Variants in FAM133B observed in about 807,000 individuals in gnomAD.
FAM133B encodes protein FAM133B.
In FAM133B, 25 loss-of-function variants were observed where a neutral mutation model predicts 46.4. The observed-to-expected ratio is 0.54, with a 90% CI of 0.39 to 0.75. FAM133B has a LOEUF of 0.75. FAM133B is among the 30% of genes least tolerant of loss of function. FAM133B has a pLI of 0.00. For synonymous variants in FAM133B, 75 were observed against 86.0 expected (o/e 0.87, Z 0.71); for missense variants, 205 against 277.6 (o/e 0.74, Z 1.86).
rs1049676700 is a variant in FAM133B at position 92,590,128 on chromosome 7, C to T, written c.24+140G>A. 4.7e-6 allele frequency: 6 copies of T among 1,268,008 alleles called. 1 individual carries two copies. The highest frequency in any genetic ancestry group is 3.8e-4 in the Middle Eastern group (2 of 5,270). 78.5% of individuals were successfully genotyped at this position (1,268,008 alleles called of 1,614,324 possible). A position where few individuals can be genotyped will look rare whatever the true frequency, so the allele number is the denominator to read the frequency against. ...TGCGCGGCGCACGCGCATCTGGGAT[C>T]GGCGGAGGGTGCTGGGTCTCCAGGC... On this transcript the variant is annotated intron_variant, in intron 1 of 10. Transcript: ENST00000445716.
At chr7:92,588,065 T>A (rs867107654) in intron 1 of FAM133B, among the ~76,000 whole-genome samples, 3 of 152,186 alleles carry the variant, frequency 2.0e-5, no homozygotes, top group Non-Finnish European at 4.4e-5. Flanking sequence ...GTTTAAAGTC[T>A]TACCCCTCCT....
chr7:92,581,609 G>C lies in FAM133B; in HGVS notation c.25-6C>G, dbSNP rs1794874097. 1 of 1,610,526 alleles carries C rather than the reference G, an allele frequency of 6.2e-7. No homozygotes were observed. The highest frequency in any genetic ancestry group is 2.2e-5 in the East Asian group (1 of 44,838). Reference sequence around the variant, plus strand: ...GCTATTGGGTTCATATAGGCCTTGGGGAAAGAACAACAATTAATCCATTAA... The same window carrying C: ...GCTATTGGGTTCATATAGGCCTTGGCGAAAGAACAACAATTAATCCATTAA... On this transcript the variant is annotated splice_region_variant and splice_polypyrimidine_tract_variant and intron_variant, in intron 1 of 10. Coordinates refer to ENST00000445716, the MANE Select transcript of FAM133B (RefSeq NM_152789.4).
chr7:92,562,109 C>T lies in FAM133B; in HGVS notation c.*173G>A. On this transcript the variant is annotated 3_prime_UTR_variant, in exon 11 of 11. Transcript: ENST00000445716. Reference sequence around the variant, plus strand: ...AAAAAATAGATGTTCAAGCAGCAGGCAACATTTATGGCCCTTTCACACAGT... The same window carrying T: ...AAAAAATAGATGTTCAAGCAGCAGGTAACATTTATGGCCCTTTCACACAGT... 1.7e-6 allele frequency: 1 copy of T among 600,934 alleles called. No individual in the cohort carries two copies. Among genetic ancestry groups the T allele is most frequent in the Admixed American group, 3.5e-5 (1 of 28,766 alleles). The allele number at this position is 600,934 out of a possible 1,614,324, so 37.2% of individuals were successfully genotyped here. A position where few individuals can be genotyped will look rare whatever the true frequency, so the allele number is the denominator to read the frequency against.
chr7:92,584,500 A>C (rs1794983652), intron 1 of FAM133B, among the ~76,000 whole-genome samples: 1 of 152,162 alleles, frequency 6.6e-6, no homozygotes, highest in South Asian at 2.1e-4. Context: ...GACAAAACCT[A>C]ATTACTTGGA....
intron 1 of FAM133B, among the ~76,000 whole-genome samples, chr7:92,582,085 C>A (rs993288165): frequency 6.6e-6 from 1 of 151,960 alleles, no homozygotes; most frequent in Non-Finnish European, 1.5e-5. Context: ...CCTGCCTCTA[C>A]TAAAAATACA....
chr7:92,573,163 CTTTTTTTTTTTT>C (rs376920507), intron 8 of FAM133B, among the ~76,000 whole-genome samples: 1 of 118,366 alleles, frequency 8.4e-6, no homozygotes, highest in Non-Finnish European at 1.8e-5. Flanking sequence ...AGTTTGGGGA[CTTTTTTTTTTTT>C]TTTTTTTTAG....
Position 92,565,422 on chromosome 7 carries a change from G to A in FAM133B, c.657+592C>T, listed in dbSNP as rs1794314242. ...ACCCGTCTCGGCCTCCCAAAGTGCT[G>A]GGATTACAGGCGTGAGCCACTGTGC... is the stretch of plus-strand genomic sequence containing the variant. On this transcript the variant is annotated intron_variant, in intron 10 of 10. Coordinates refer to ENST00000445716, the MANE Select transcript of FAM133B (RefSeq NM_152789.4). 2 of 151,586 alleles carry A rather than the reference G, an allele frequency of 1.3e-5. 1 individual carries two copies. The highest frequency in any genetic ancestry group is 4.2e-4 in the South Asian group (2 of 4,802). The allele number at this position is 151,586 out of a possible 1,614,324, so 9.4% of individuals were successfully genotyped here. A position where few individuals can be genotyped will look rare whatever the true frequency, so the allele number is the denominator to read the frequency against.
At chr7:92,586,632 G>A (rs1457663086) in intron 1 of FAM133B, among the ~76,000 whole-genome samples, 1 of 152,176 alleles carries the variant, frequency 6.6e-6, no homozygotes, top group African/African-American at 2.4e-5. Flanking sequence ...CATGAGTTCA[G>A]ATAACAGAAA....
intron 2 of FAM133B, among the ~76,000 whole-genome samples, chr7:92,580,346 C>T (rs1247838478): frequency 6.6e-6 from 1 of 152,128 alleles, no homozygotes; most frequent in African/African-American, 2.4e-5. Flanking sequence ...CCTCCTGCCT[C>T]GGCCTCCTGA....
chr7:92,563,123 T>G (rs901555309), intron 10 of FAM133B, among the ~76,000 whole-genome samples: 1 of 152,158 alleles, frequency 6.6e-6, no homozygotes, highest in Non-Finnish European at 1.5e-5. Flanking sequence ...CTGCTGCTAG[T>G]GTACTGATAT....
intron 1 of FAM133B, chr7:92,581,826 GTGTGTGT>G: frequency 2.5e-6 from 1 of 399,740 alleles, no homozygotes; most frequent in South Asian, 3.1e-5. Flanking sequence ...GTGTGTGTGT[GTGTGTGT>G]TTTACAAGAG....
chr7:92,581,682 T>C (rs1794876637), intron 1 of FAM133B, 79 bp from the exon 2 acceptor site: 1 of 1,064,916 alleles, frequency 9.4e-7, no homozygotes, highest in African/African-American at 1.6e-5. Context: ...AAGTAATCTT[T>C]ACTATAAATG....
intron 1 of FAM133B, among the ~76,000 whole-genome samples, chr7:92,583,611 GT>G (rs1276430957): frequency 3.3e-5 from 5 of 152,044 alleles, no homozygotes; most frequent in Admixed American, 6.6e-5. Context: ...TAATGACAGT[GT>G]TTAGCAAAGC....
intron 1 of FAM133B, among the ~76,000 whole-genome samples, chr7:92,589,071 T>C (rs1795116267): frequency 6.6e-6 from 1 of 152,250 alleles, no homozygotes; most frequent in Non-Finnish European, 1.5e-5. Flanking sequence ...AAGTCTCCTT[T>C]GGTGTGAGAC....
At chr7:92,582,309 TA>T (rs760375892) in intron 1 of FAM133B, among the ~76,000 whole-genome samples, 6 of 132,550 alleles carry the variant, frequency 4.5e-5, no homozygotes, top group African/African-American at 1.5e-4. Context: ...ATAAATAACA[TA>T]AAATAACATA....
intron 8 of FAM133B, among the ~76,000 whole-genome samples, chr7:92,575,199 T>C (rs1180665882): frequency 2.0e-5 from 3 of 152,140 alleles, no homozygotes; most frequent in African/African-American, 4.8e-5. Flanking sequence ...TTCTTCAAAA[T>C]GGTTTAAGAA....
chr7:92,564,358 AC>A (rs1473513432), intron 10 of FAM133B, among the ~76,000 whole-genome samples: 1 of 152,120 alleles, frequency 6.6e-6, no homozygotes, highest in Non-Finnish European at 1.5e-5. Flanking sequence ...ACTCTTTTGT[AC>A]TCTTAAGACT....
intron 1 of FAM133B, among the ~76,000 whole-genome samples, chr7:92,589,412 T>C (rs1268464358): frequency 6.6e-6 from 1 of 152,262 alleles, no homozygotes; most frequent in Non-Finnish European, 1.5e-5. Context: ...CTACTCTTTC[T>C]GCTGTAAGTT....
chr7:92,578,089 T>G, intron 5 of FAM133B, 61 bp downstream of exon 5: 1 of 1,429,876 alleles, frequency 7.0e-7, no homozygotes, highest in Non-Finnish European at 9.8e-7. Context: ...AACAAATTAT[T>G]CTTACTTTTT....
Sources: gnomAD v4.1 joint callset for allele counts (sites outside exome capture counted in the v4.1 genomes callset) on GRCh38, gnomAD v4.1.1 for gene constraint, MANE v1.5 for transcripts, NCBI Gene and HGNC (gene_info 2026-07-23, HGNC 2026-07-21) for gene names.